The following TMTC2 variants were observed in gnomAD, a reference collection of about 807,000 sequenced individuals.
The protein encoded by TMTC2 is protein O-mannosyl-transferase TMTC2.
A neutral mutation model predicts 82.4 loss-of-function variants in TMTC2; 43 were observed. The ratio of observed to expected loss-of-function variants is 0.52; its 90% CI spans 0.41 to 0.67. TMTC2 has a LOEUF of 0.67. TMTC2 is among the 30% of genes least tolerant of loss of function. The pLI is 0.00. For synonymous variants in TMTC2, 408 were observed against 381.9 expected (o/e 1.07, Z -0.80); for missense variants, 919 against 1,012.4 (o/e 0.91, Z 1.25).
At chr12:82,905,318 AT>A (rs1268829422) in intron 3 of TMTC2, among the ~76,000 whole-genome samples, 1 of 152,192 alleles carries the variant, frequency 6.6e-6, no homozygotes, top group Non-Finnish European at 1.5e-5. Flanking sequence ...TGCTAAAGGC[AT>A]TTTAAAATTA....
intron 1 of TMTC2, among the ~76,000 whole-genome samples, chr12:82,692,085 G>A (rs764122176): frequency 2.3e-4 from 35 of 152,272 alleles, no homozygotes; most frequent in East Asian, 5.8e-4. Context: ...AGTATGAACC[G>A]CTTTACCTCC....
chr12:82,765,711 AAAC>A (rs199793892), intron 1 of TMTC2, among the ~76,000 whole-genome samples: 3,043 of 148,238 alleles, frequency 0.021, 75 homozygotes, highest in African/African-American at 0.076. Context: ...ACAAACAAAC[AAAC>A]AAAAAAAAAC....
chr12:82,717,998 T>C (rs1406663421), intron 1 of TMTC2, among the ~76,000 whole-genome samples: 1 of 152,208 alleles, frequency 6.6e-6, no homozygotes, highest in Non-Finnish European at 1.5e-5. Flanking sequence ...AAAGAGTGCC[T>C]GCCCTCTCAT....
chr12:82,959,271 A>C (rs759822988), intron 4 of TMTC2, among the ~76,000 whole-genome samples: 6 of 152,174 alleles, frequency 3.9e-5, no homozygotes, highest in African/African-American at 7.2e-5. Context: ...TTACAGATTC[A>C]GTGCTATTTC....
chr12:82,948,374 A>AAC (rs1555200161), intron 4 of TMTC2, among the ~76,000 whole-genome samples: 52 of 32,836 alleles, frequency 1.6e-3, no homozygotes, highest in African/African-American at 2.9e-3. Flanking sequence ...TAATTTAAAC[A>AAC]AAAAAAAAAA....
At chr12:82,847,514 T>G (rs1310961516) in intron 1 of TMTC2, among the ~76,000 whole-genome samples, 1 of 152,154 alleles carries the variant, frequency 6.6e-6, no homozygotes, top group Admixed American at 6.5e-5. Context: ...ATTGTGGCAC[T>G]ATTCACAATA....
chr12:82,803,378 G>A (rs1879099865), intron 1 of TMTC2, among the ~76,000 whole-genome samples: 1 of 152,148 alleles, frequency 6.6e-6, no homozygotes, highest in Non-Finnish European at 1.5e-5. Flanking sequence ...TGGTTCAGCA[G>A]TTATCACAAG....
chr12:83,010,725 A>G lies in TMTC2; in HGVS notation c.2071-20073A>G, dbSNP rs953845072. 2.3e-4 allele frequency among the ~76,000 whole-genome samples: 35 copies of G among 152,178 alleles called. 3 individuals are homozygous for G. The highest frequency in any genetic ancestry group is 7.4e-5 in the Non-Finnish European group (5 of 68,024). ...TGTGTCTAAATCTGTATCTTAATAT[A>G]TCAGGAACCACCGATATTCGTGAGA... On this transcript the variant is annotated intron_variant, in intron 8 of 11. Coordinates refer to ENST00000321196, the MANE Select transcript of TMTC2 (RefSeq NM_152588.3).
chr12:82,882,635 T>C (rs1003699247), intron 2 of TMTC2, among the ~76,000 whole-genome samples: 1 of 152,164 alleles, frequency 6.6e-6, no homozygotes, highest in African/African-American at 2.4e-5. Context: ...GAATTACTAA[T>C]AGTTACGAAG....
chr12:82,876,155 T>TGGTGGTG (rs1872560341), intron 2 of TMTC2, among the ~76,000 whole-genome samples: 2 of 146,296 alleles, frequency 1.4e-5, no homozygotes, highest in African/African-American at 2.5e-5. Context: ...GTGGTGGTGG[T>TGGTGGTG]AGTGGTGGTA....
chr12:82,743,419 C>G (rs1171746673), intron 1 of TMTC2, among the ~76,000 whole-genome samples: 1 of 150,918 alleles, frequency 6.6e-6, no homozygotes, highest in Non-Finnish European at 1.5e-5. Context: ...TGCACTCCAA[C>G]CTGGGCTACA....
intron 3 of TMTC2, among the ~76,000 whole-genome samples, chr12:82,918,819 G>A (rs1875187893): frequency 6.6e-6 from 1 of 151,170 alleles, no homozygotes; most frequent in Non-Finnish European, 1.5e-5. Flanking sequence ...GTGCAGTGGT[G>A]CGATCTCGGC....
At position 82,892,445 on chromosome 12, in the gene TMTC2, C is replaced by T. The variant is rs181039641; in HGVS notation, c.655-3373C>T. Among the ~76,000 whole-genome samples, 8 of 151,924 alleles carry T rather than the reference C, an allele frequency of 5.3e-5. No homozygotes were observed. The East Asian group carries it at 7.7e-4, about 15-fold the overall frequency. On this transcript the variant is annotated intron_variant, in intron 2 of 11. Coordinates refer to ENST00000321196, the MANE Select transcript of TMTC2 (RefSeq NM_152588.3). ...CACATCTGGAATCTCAATTTTATTT[C>T]GATAATTATTAAGATATAACAAATT...
rs57604518 is a variant in TMTC2 at position 83,032,257 on chromosome 12, T to TTATATATATATA, written c.2152+1405_2152+1416dup. On this transcript the variant is annotated intron_variant, in intron 9 of 11. Coordinates refer to ENST00000321196, the MANE Select transcript of TMTC2 (RefSeq NM_152588.3). The stretch of plus-strand genomic sequence containing the variant: ...TTCCTATAATATTATAGAGAATATT[T>TTATATATATATA]TATATATATATATATATATATATAT... 5.7e-3 allele frequency among the ~76,000 whole-genome samples: 738 copies of TTATATATATATA among 130,572 alleles called. 11 individuals are homozygous for TTATATATATATA. Among genetic ancestry groups the TTATATATATATA allele is most frequent in the Middle Eastern group, 0.014 (3 of 222 alleles). The allele number at this position is 130,572 out of a possible 152,430, so 85.7% of individuals were successfully genotyped here.
chr12:82,980,978 A>G (rs910977694), intron 7 of TMTC2, among the ~76,000 whole-genome samples: 1 of 151,898 alleles, frequency 6.6e-6, no homozygotes, highest in Non-Finnish European at 1.5e-5. Flanking sequence ...TTTGGGGAAC[A>G]CTGATAAATT....
chr12:83,081,469 T>A (rs1592734402), intron 11 of TMTC2, among the ~76,000 whole-genome samples: 1 of 152,218 alleles, frequency 6.6e-6, no homozygotes, highest in East Asian at 1.9e-4. Flanking sequence ...CCTGGCCGTT[T>A]GTTTGGGAAT....
intron 11 of TMTC2, among the ~76,000 whole-genome samples, chr12:83,081,974 C>A (rs2137505446): frequency 6.6e-6 from 1 of 152,026 alleles, no homozygotes; most frequent in South Asian, 2.1e-4. Context: ...AGAGTGAGAC[C>A]CTATCTCTAA....
At chr12:83,072,943 C>T (rs1252013937) in intron 11 of TMTC2, among the ~76,000 whole-genome samples, 1 of 151,872 alleles carries the variant, frequency 6.6e-6, no homozygotes, top group African/African-American at 2.4e-5. Context: ...CTTATCCATT[C>T]TGTGGTTCTT....
chr12:82,800,549 G>A (rs1011378755), intron 1 of TMTC2, among the ~76,000 whole-genome samples: 5 of 152,142 alleles, frequency 3.3e-5, no homozygotes, highest in Admixed American at 6.5e-5. Flanking sequence ...CACATTATTG[G>A]AGGAAAGGGA....
Sources: allele counts gnomAD v4.1 joint callset (sites outside exome capture counted in the v4.1 genomes callset), GRCh38; gene constraint gnomAD v4.1.1; transcripts MANE v1.5; gene names NCBI Gene and HGNC (gene_info 2026-07-23, HGNC 2026-07-21).